Variants in DOCK3 observed in about 807,000 individuals in gnomAD.
DOCK3 encodes dedicator of cytokinesis protein 3.
A neutral mutation model predicts 265.6 loss-of-function variants in DOCK3; 60 were observed. That is an observed-to-expected ratio of 0.23 (90% CI 0.18 to 0.28). The LOEUF (loss-of-function observed/expected upper bound fraction) is 0.28. Ranked by LOEUF, DOCK3 falls within the 10% of genes least tolerant of loss-of-function variation. The probability of loss-of-function intolerance (pLI) is 1.00; values close to 1 mark genes in which losing one functional copy is unlikely to be tolerated. For synonymous variants in DOCK3, 881 were observed against 938.0 expected (o/e 0.94, Z 1.11); for missense variants, 1,981 against 2,594.3 (o/e 0.76, Z 5.14).
At chr3:51,261,959 C>T (rs1032512587) in intron 23 of DOCK3, among the ~76,000 whole-genome samples, 2 of 152,158 alleles carry the variant, frequency 1.3e-5, no homozygotes, top group African/African-American at 4.8e-5. Context: ...GATAGAACAC[C>T]TCGGGGAAGG....
intron 5 of DOCK3, among the ~76,000 whole-genome samples, chr3:50,944,438 T>A (rs1017254028): frequency 3.3e-5 from 5 of 152,234 alleles, no homozygotes; most frequent in African/African-American, 1.2e-4. Context: ...TGTCATATTT[T>A]AAATAGTTAT....
In DOCK3 at chr3:51,250,357, G is replaced by A. The variant is rs188980578; in HGVS notation, c.2184+3550G>A. Among the ~76,000 whole-genome samples, 26 of 152,000 alleles carry A rather than the reference G, an allele frequency of 1.7e-4. No homozygotes were observed. The East Asian group carries it at 4.3e-3, about 25-fold the overall frequency. ...AACTTGGCTGGCCGTGGCAGCTCAC[G>A]CCTATAATCCTAGCACTTGGGGAGG... On this transcript the variant is annotated intron_variant, in intron 22 of 52. Coordinates refer to ENST00000266037, the MANE Select transcript of DOCK3 (RefSeq NM_004947.5).
chr3:50,820,730 A>G (rs937579660), intron 2 of DOCK3, among the ~76,000 whole-genome samples: 3 of 152,004 alleles, frequency 2.0e-5, no homozygotes, highest in Non-Finnish European at 4.4e-5. Context: ...TTCTTTGAGA[A>G]GTCACCAAAC....
chr3:51,193,319 A>T (rs1220115502), intron 12 of DOCK3, among the ~76,000 whole-genome samples: 1 of 152,146 alleles, frequency 6.6e-6, no homozygotes, highest in Non-Finnish European at 1.5e-5. Flanking sequence ...TGTGTTTGCT[A>T]GTATTTTGTT....
chr3:51,285,915 A>G (rs1375818189), intron 27 of DOCK3, among the ~76,000 whole-genome samples: 1 of 152,202 alleles, frequency 6.6e-6, no homozygotes. Context: ...AGCCCAGGCA[A>G]CAGTGCATGA....
intron 1 of DOCK3, among the ~76,000 whole-genome samples, chr3:50,751,391 C>G (rs1401238323): frequency 6.6e-6 from 1 of 152,004 alleles, no homozygotes; most frequent in East Asian, 1.9e-4. Flanking sequence ...CTGCATGCAT[C>G]AGGTATTTGT....
rs146427748 is a variant in DOCK3, at chr3:51,349,395, C to T, written c.4002+457C>T. 1.1e-3 allele frequency among the ~76,000 whole-genome samples: 166 copies of T among 152,280 alleles called. 1 individual carries two copies. The highest frequency in any genetic ancestry group is 2.1e-4 in the Non-Finnish European group (14 of 68,022). ...AATGCTCGATGGCTTTGAAGGTCTG[C>T]GCCAAATTTTTCCTGGTTGCTGGTG... is the stretch of plus-strand genomic sequence containing the variant. On this transcript the variant is annotated intron_variant, in intron 39 of 52. Transcript: ENST00000266037.
At chr3:50,712,912 T>G (rs942462423) in intron 1 of DOCK3, among the ~76,000 whole-genome samples, 1 of 152,200 alleles carries the variant, frequency 6.6e-6, no homozygotes, top group Non-Finnish European at 1.5e-5. Context: ...CTGCTGTTGT[T>G]GGGTGGAATG....
Position 51,361,821 on chromosome 3 carries a change from G to A in DOCK3, c.5007-38G>A. The A allele has an allele frequency of 6.2e-7, 1 of 1,601,614 alleles. No homozygotes were observed. Among genetic ancestry groups the A allele is most frequent in the East Asian group, 2.2e-5 (1 of 44,696 alleles). On this transcript the variant is annotated intron_variant, in intron 47 of 52. Transcript: ENST00000266037. The surrounding 1 kb of genome is among the most constrained non-coding windows in gnomAD (Gnocchi z 4.2). The stretch of plus-strand genomic sequence containing the variant: ...CTACTGTCCCCCTGCCACCTGCCAT[G>A]GGCCTGACTCCTCCCTATTTCCCAC...
At chr3:50,732,491 A>G (rs1057001291) in intron 1 of DOCK3, among the ~76,000 whole-genome samples, 1 of 151,544 alleles carries the variant, frequency 6.6e-6, no homozygotes, top group African/African-American at 2.4e-5. Context: ...AGTAACCTTG[A>G]ACCCCTGGGC....
At position 51,315,058 on chromosome 3, in the gene DOCK3, G is replaced by A. The variant is rs746006994; in HGVS notation, c.3332G>A (p.Arg1111Gln). Residue 1111 changes from arginine to glutamine, a missense_variant, in exon 32 of 53, where the codon CGG becomes CAG. Around this residue, in one of 4 missense-constraint regions of DOCK3, gnomAD observed 1,357 missense variants for 1,866.8 expected, o/e 0.73. Coordinates refer to ENST00000266037, the MANE Select transcript of DOCK3 (RefSeq NM_004947.5). ...GVTLVPQPEV[R>Q]NIMIPIFHDM... ...ACACTGGTCCCACAGCCAGAAGTAC[G>A]GAATATCATGATTCCCATCTTTCAT... The A allele has an allele frequency of 4.3e-6, 7 of 1,612,774 alleles. No homozygotes were observed. The highest frequency in any genetic ancestry group is 1.7e-5 in the Admixed American group (1 of 59,904).
intron 49 of DOCK3, among the ~76,000 whole-genome samples, chr3:51,366,320 G>A (rs963659735): frequency 2.4e-4 from 36 of 152,092 alleles, no homozygotes; most frequent in Non-Finnish European, 7.4e-5. Flanking sequence ...ATTTCTGTGG[G>A]ATCGGTGGTG....
chr3:50,712,956 A>G (rs2036864375), intron 1 of DOCK3, among the ~76,000 whole-genome samples: 1 of 152,164 alleles, frequency 6.6e-6, no homozygotes, highest in Non-Finnish European at 1.5e-5. Flanking sequence ...AAAACAGACA[A>G]TGTTTTGCCC....
At chr3:50,812,878 G>A (rs2043849385) in intron 2 of DOCK3, among the ~76,000 whole-genome samples, 1 of 152,218 alleles carries the variant, frequency 6.6e-6, no homozygotes, top group Admixed American at 6.5e-5. Context: ...ACTAACCAGG[G>A]CAAAGAAAGG....
chr3:50,773,992 A>G (rs1323659372), intron 1 of DOCK3, among the ~76,000 whole-genome samples: 9 of 152,120 alleles, frequency 5.9e-5, no homozygotes, highest in Non-Finnish European at 1.0e-4. Context: ...TAAAACATTT[A>G]CAGATTTATA....
chr3:50,771,873 CAAAA>C lies in DOCK3; in HGVS notation c.38-6799_38-6796del, dbSNP rs113200686. ...CTCAAAAACAAAAACAAAAACAAAA[CAAAA>C]AACAAAACAAAATAAAACAAAAAAA... On this transcript the variant is annotated intron_variant, in intron 1 of 52. Coordinates refer to ENST00000266037, the MANE Select transcript of DOCK3 (RefSeq NM_004947.5). 3.4e-3 allele frequency among the ~76,000 whole-genome samples: 524 copies of C among 151,932 alleles called. 4 individuals are homozygous for C. The highest frequency in any genetic ancestry group is 0.012 in the African/African-American group (504 of 41,470).
At chr3:50,822,723 G>A (rs2044518132) in intron 2 of DOCK3, among the ~76,000 whole-genome samples, 1 of 152,040 alleles carries the variant, frequency 6.6e-6, no homozygotes, top group African/African-American at 2.4e-5. Context: ...ATACTCCTGG[G>A]CTCAAGTGAT....
At chr3:51,124,822 A>C (rs946263711) in intron 9 of DOCK3, among the ~76,000 whole-genome samples, 1 of 152,120 alleles carries the variant, frequency 6.6e-6, no homozygotes, top group African/African-American at 2.4e-5. Flanking sequence ...CAATACTATA[A>C]TATTGTTTTA....
chr3:50,734,817 A>T (rs1201008723), intron 1 of DOCK3, among the ~76,000 whole-genome samples: 1 of 151,866 alleles, frequency 6.6e-6, no homozygotes, highest in Non-Finnish European at 1.5e-5. Flanking sequence ...GTTAGCCAGG[A>T]TGGTCTCGAT....
Sources: gnomAD v4.1 joint callset for allele counts (sites outside exome capture counted in the v4.1 genomes callset) on GRCh38, gnomAD v4.1.1 for gene constraint, gnomAD v4.1.1 regional missense constraint, Gnocchi (gnomAD v3.1) non-coding constraint, MANE v1.5 for transcripts, NCBI Gene and HGNC (gene_info 2026-07-23, HGNC 2026-07-21) for gene names.